RBFOX1: variants seen among roughly 807,000 people sequenced by gnomAD.
The protein encoded by RBFOX1 is RNA binding fox-1 homolog 1.
A neutral mutation model predicts 57.7 loss-of-function variants in RBFOX1; 8 were observed. The ratio of observed to expected loss-of-function variants is 0.14; its 90% CI spans 0.08 to 0.25. The LOEUF (loss-of-function observed/expected upper bound fraction) is 0.25, where lower values mean the gene tolerates loss of function less well. RBFOX1 is among the 10% of genes least tolerant of loss of function. The pLI is 1.00. For synonymous variants in RBFOX1, 326 were observed against 222.4 expected, an observed-to-expected ratio of 1.47 and a Z score of -4.15; for missense variants, 611 against 548.5, an observed-to-expected ratio of 1.11 and a Z score of -1.14.
chr16:5,776,207 T>G (rs1396982534), intron 3 of RBFOX1, among the ~76,000 whole-genome samples: 2 of 152,246 alleles, frequency 1.3e-5, no homozygotes, highest in Non-Finnish European at 2.9e-5. Flanking sequence ...TGCTTAAGTT[T>G]TATCATAAAT....
chr16:7,017,027 C>T (rs887589207), intron 3 of RBFOX1, among the ~76,000 whole-genome samples: 8 of 152,112 alleles, frequency 5.3e-5, no homozygotes, highest in African/African-American at 1.9e-4. Flanking sequence ...TGACTTTTGG[C>T]TTCATCCTTC....
At chr16:5,565,987 TCCTGAG>T in intron 2 of RBFOX1, among the ~76,000 whole-genome samples, 1 of 152,190 alleles carries the variant, frequency 6.6e-6, no homozygotes, top group Non-Finnish European at 1.5e-5. Flanking sequence ...TGAATAAGTC[TCCTGAG>T]ATCTGATGAT....
intron 1 of RBFOX1, among the ~76,000 whole-genome samples, chr16:6,076,290 A>G (rs2095898554): frequency 7.4e-6 from 1 of 135,892 alleles, no homozygotes; most frequent in African/African-American, 2.6e-5. Flanking sequence ...CAAGAGCAAA[A>G]CTCTGTCTCA....
chr16:6,422,638 A>T (rs893125197), intron 2 of RBFOX1, among the ~76,000 whole-genome samples: 5 of 152,168 alleles, frequency 3.3e-5, no homozygotes, highest in African/African-American at 1.2e-4. Context: ...AAGGTGACTC[A>T]CATGGCAGGA....
At chr16:7,695,044 A>T (rs1415937048) in intron 14 of RBFOX1, among the ~76,000 whole-genome samples, 1 of 152,212 alleles carries the variant, frequency 6.6e-6, no homozygotes, top group East Asian at 1.9e-4. Flanking sequence ...AGGCGACAGA[A>T]AATGAAAGTT....
At chr16:6,558,610 C>T (rs192739806) in intron 2 of RBFOX1, among the ~76,000 whole-genome samples, 180 of 152,142 alleles carry the variant, frequency 1.2e-3, no homozygotes, top group African/African-American at 4.2e-3. Context: ...GGGGATATGG[C>T]AGTTGTCATG....
chr16:7,610,590 C>T (rs143324194), intron 10 of RBFOX1, among the ~76,000 whole-genome samples: 9 of 152,208 alleles, frequency 5.9e-5, no homozygotes, highest in African/African-American at 9.6e-5. Context: ...CCGGATTATC[C>T]GGAAAATCCA....
chr16:6,559,152 T>G (rs2097145239), intron 2 of RBFOX1, among the ~76,000 whole-genome samples: 1 of 149,908 alleles, frequency 6.7e-6, no homozygotes, highest in Admixed American at 6.6e-5. Flanking sequence ...TATGTGTATA[T>G]ATATGACTGT....
chr16:5,892,162 G>T (rs1371083798), intron 4 of RBFOX1, among the ~76,000 whole-genome samples: 1 of 152,188 alleles, frequency 6.6e-6, no homozygotes, highest in Non-Finnish European at 1.5e-5. Flanking sequence ...ACGGTGCAGA[G>T]AAAAGAAAAA....
At chr16:7,168,995 A>G (rs566131502) in intron 4 of RBFOX1, among the ~76,000 whole-genome samples, 39 of 152,334 alleles carry the variant, frequency 2.6e-4, no homozygotes, top group African/African-American at 9.4e-4. Flanking sequence ...ATTAAGAGCA[A>G]TAAACTATAG....
At chr16:6,610,615 C>T (rs758614564) in intron 2 of RBFOX1, among the ~76,000 whole-genome samples, 8 of 152,158 alleles carry the variant, frequency 5.3e-5, no homozygotes, top group Non-Finnish European at 1.2e-4. Context: ...CCGGTGTAAA[C>T]TACTACACCC....
intron 3 of RBFOX1, among the ~76,000 whole-genome samples, chr16:6,795,173 A>C (rs78144626): frequency 1.3e-5 from 2 of 152,328 alleles, no homozygotes; most frequent in East Asian, 3.9e-4. Flanking sequence ...GATATTTCAT[A>C]GTGCTAATTC....
intron 4 of RBFOX1, among the ~76,000 whole-genome samples, chr16:7,062,739 C>T (rs2054776848): frequency 1.3e-5 from 2 of 152,038 alleles, no homozygotes. Context: ...ACCTGGAGTT[C>T]ATTCATTTCG....
At chr16:5,338,672 T>C (rs1193552458) in intron 1 of RBFOX1, among the ~76,000 whole-genome samples, 1 of 152,212 alleles carries the variant, frequency 6.6e-6, no homozygotes, top group African/African-American at 2.4e-5. Context: ...AGATAGGATC[T>C]CTTTGTCACC....
chr16:6,219,372 C>T (rs1276357574), intron 1 of RBFOX1, among the ~76,000 whole-genome samples: 1 of 152,068 alleles, frequency 6.6e-6, no homozygotes, highest in African/African-American at 2.4e-5. Context: ...TCTGGAGGTC[C>T]AGGAGGTCGA....
intron 4 of RBFOX1, among the ~76,000 whole-genome samples, chr16:7,077,652 C>G (rs1219233245): frequency 6.6e-6 from 1 of 152,170 alleles, no homozygotes; most frequent in Non-Finnish European, 1.5e-5. Flanking sequence ...TTAGTAGCAA[C>G]TTACCATATT....
intron 1 of RBFOX1, among the ~76,000 whole-genome samples, chr16:5,462,233 A>G (rs1269750784): frequency 2.1e-5 from 3 of 139,698 alleles, no homozygotes; most frequent in African/African-American, 5.5e-5. Flanking sequence ...CAGCGGCACT[A>G]TCTCGGCTCA....
intron 4 of RBFOX1, among the ~76,000 whole-genome samples, chr16:5,936,326 G>A (rs576448058): frequency 2.6e-5 from 4 of 152,262 alleles, no homozygotes; most frequent in South Asian, 2.1e-4. Context: ...GTTTCACCAC[G>A]TTCACCAGAC....
At chr16:7,196,186 C>T (rs1172533519) in intron 4 of RBFOX1, among the ~76,000 whole-genome samples, 2 of 152,122 alleles carry the variant, frequency 1.3e-5, no homozygotes, top group East Asian at 1.9e-4. Flanking sequence ...TATAAATAAT[C>T]AGTATGTTCC....
Sources: gnomAD v4.1 joint callset for allele counts (sites outside exome capture counted in the v4.1 genomes callset) on GRCh38, gnomAD v4.1.1 for gene constraint, MANE v1.5 for transcripts, NCBI Gene and HGNC (gene_info 2026-07-23, HGNC 2026-07-21) for gene names.